The following CRYBG3 variants were observed in gnomAD, a reference collection of about 807,000 sequenced individuals.
CRYBG3 encodes crystallin beta-gamma domain containing 3.
Under a neutral mutation model 244.2 loss-of-function variants are expected in CRYBG3, and 127 were observed. The observed-to-expected ratio is 0.52, with a 90% confidence interval of 0.45 to 0.60. The LOEUF (loss-of-function observed/expected upper bound fraction) is 0.60. Ranked by LOEUF, CRYBG3 falls within the 20% of genes least tolerant of loss-of-function variation. The pLI is 0.00. For synonymous variants in CRYBG3, 1,132 were observed against 1,195.8 expected (o/e 0.95, Z 1.10); for missense variants, 3,325 against 3,442.5 (o/e 0.97, Z 0.85).
intron 2 of CRYBG3, among the ~76,000 whole-genome samples, chr3:97,844,572 C>A (rs1380974270): frequency 6.6e-6 from 1 of 152,120 alleles, no homozygotes; most frequent in Non-Finnish European, 1.5e-5. Context: ...TCCTTGCTCC[C>A]TTTTCTTCTC....
chr3:97,896,129 T>A, intron 12 of CRYBG3, 44 bp downstream of exon 12: 1 of 1,559,626 alleles, frequency 6.4e-7, no homozygotes, highest in Non-Finnish European at 8.7e-7. Context: ...TTTTAAAAAA[T>A]CTGTTCACAA....
At chr3:97,882,553 G>A (rs368540658) in intron 7 of CRYBG3, among the ~76,000 whole-genome samples, 11 of 152,190 alleles carry the variant, frequency 7.2e-5, no homozygotes, top group Middle Eastern at 3.4e-3. Flanking sequence ...TTAGTGATAA[G>A]GACATCTTAG....
chr3:97,834,858 T>G (rs1383178427), intron 1 of CRYBG3, among the ~76,000 whole-genome samples: 3 of 152,194 alleles, frequency 2.0e-5, no homozygotes, highest in Non-Finnish European at 4.4e-5. Flanking sequence ...ACTATGCTAC[T>G]TTGTATTTTT....
At position 97,878,056 on chromosome 3, in the gene CRYBG3, T is replaced by A. The variant is rs767887744; in HGVS notation, c.6843+19T>A. ...TATAGAGGTAAGTTATTTTGTTTATTGTATTAATAATAGTTATTAAAGCTT... is the reference window on the plus strand; with the variant it reads ...TATAGAGGTAAGTTATTTTGTTTATAGTATTAATAATAGTTATTAAAGCTT... On this transcript the variant is annotated intron_variant, in intron 4 of 21. Transcript: ENST00000389622. 2 of 1,566,170 alleles carry A rather than the reference T, an allele frequency of 1.3e-6. No individual in the cohort carries two copies. The highest frequency in any genetic ancestry group is 4.5e-5 in the East Asian group (2 of 44,644).
intron 15 of CRYBG3, among the ~76,000 whole-genome samples, chr3:97,901,058 G>C (rs1025831359): frequency 1.3e-5 from 2 of 152,100 alleles, no homozygotes; most frequent in African/African-American, 4.8e-5. Flanking sequence ...CATAAGGTCA[G>C]TATTACTCCC....
At chr3:97,939,083 C>T (rs1356742896) in intron 19 of CRYBG3, among the ~76,000 whole-genome samples, 6 of 151,920 alleles carry the variant, frequency 3.9e-5, no homozygotes, top group Non-Finnish European at 8.8e-5. Flanking sequence ...AAATATGTTC[C>T]TCATTTTTTA....
At chr3:97,940,825 A>G (rs904090607) in intron 19 of CRYBG3, among the ~76,000 whole-genome samples, 1 of 151,822 alleles carries the variant, frequency 6.6e-6, no homozygotes, top group Non-Finnish European at 1.5e-5. Context: ...GGGACACACT[A>G]TTGAATGAAA....
chr3:97,888,202 G>T (rs1284647996), intron 8 of CRYBG3, 139 bp from the exon 9 acceptor site: 1 of 596,544 alleles, frequency 1.7e-6, no homozygotes, highest in East Asian at 2.8e-5. Flanking sequence ...ATAATGTCTG[G>T]CTCTCACTTT....
intron 2 of CRYBG3, among the ~76,000 whole-genome samples, chr3:97,853,731 A>AT (rs2039022734): frequency 6.6e-6 from 1 of 152,004 alleles, no homozygotes; most frequent in East Asian, 1.9e-4. Flanking sequence ...TAATTTTTTG[A>AT]TTTTTTAATT....
intron 15 of CRYBG3, among the ~76,000 whole-genome samples, chr3:97,906,266 T>C (rs1357812018): frequency 7.8e-6 from 1 of 128,790 alleles, no homozygotes; most frequent in African/African-American, 2.7e-5. Flanking sequence ...AAGTAGTTTT[T>C]TCCAATTCTG....
chr3:97,914,260 G>A (rs1271765820), intron 16 of CRYBG3, among the ~76,000 whole-genome samples: 1 of 152,028 alleles, frequency 6.6e-6, no homozygotes, highest in Non-Finnish European at 1.5e-5. Context: ...ACTCTAATAA[G>A]AAATACACAC....
At chr3:97,837,925 T>C (rs2038757167) in intron 1 of CRYBG3, among the ~76,000 whole-genome samples, 1 of 151,930 alleles carries the variant, frequency 6.6e-6, no homozygotes, top group African/African-American at 2.4e-5. Flanking sequence ...GAGGAGGAGG[T>C]GCCCAACAGG....
Position 97,876,774 on chromosome 3 carries a change from C to A in CRYBG3, c.5580C>A (p.His1860Gln), listed in dbSNP as rs1159776555. 7.9e-7 allele frequency: 1 copy of A among 1,264,940 alleles called. No homozygotes were observed. Among genetic ancestry groups the A allele is most frequent in the East Asian group, 3.0e-5 (1 of 33,268 alleles). The allele number at this position is 1,264,940 out of a possible 1,614,324, so 78.4% of individuals were successfully genotyped here. The change falls in exon 4 of 22, where the codon CAC (histidine) becomes CAA (glutamine). Residue 1860 changes from histidine to glutamine, a missense_variant. By Grantham distance (24) the His-to-Gln change is conservative. Around this residue, in one of 4 missense-constraint regions of CRYBG3, gnomAD observed 635 missense variants for 771.7 expected, o/e 0.82. Coordinates refer to ENST00000389622, the MANE Select transcript of CRYBG3 (RefSeq NM_153605.4). Reference protein sequence around the residue: ...PEDRGENIGKHKVLPAVVDIE... With the variant: ...PEDRGENIGKQKVLPAVVDIE... Reference sequence around the variant, plus strand: ...ATCGTGGTGAGAATATTGGGAAACACAAAGTGTTACCCGCAGTGGTAGACA... The same window carrying A: ...ATCGTGGTGAGAATATTGGGAAACAAAAAGTGTTACCCGCAGTGGTAGACA...
chr3:97,826,450 T>C (rs1167859611), intron 1 of CRYBG3, among the ~76,000 whole-genome samples: 1 of 152,198 alleles, frequency 6.6e-6, no homozygotes, highest in African/African-American at 2.4e-5. Flanking sequence ...AAAAGGGTAA[T>C]AGCAAGTTTT....
intron 18 of CRYBG3, among the ~76,000 whole-genome samples, chr3:97,935,130 G>A (rs2040147365): frequency 6.6e-6 from 1 of 151,986 alleles, no homozygotes; most frequent in Admixed American, 6.6e-5. Flanking sequence ...GTTACAAGTT[G>A]GGTTTGTTTT....
Position 97,873,450 on chromosome 3 carries a change from C to A in CRYBG3, c.2256C>A (p.Gly752=). 6.5e-7 allele frequency: 1 copy of A among 1,535,186 alleles called. No individual in the cohort carries two copies. Among genetic ancestry groups the A allele is most frequent in the Non-Finnish European group, 8.7e-7 (1 of 1,146,614 alleles). ...TTCTTCCAGGTTCTGAAGCCAGTGG[C>A]CCTCACTTAACTGGGTTGGAGCTAT... is the stretch of plus-strand genomic sequence containing the variant. The part of the protein sequence containing the change: ...CQVLPGSEAS[G]PHLTGLELLS... The change falls in exon 4 of 22, where the codon GGC becomes GGA. Residue 752 remains glycine (G), a synonymous_variant. Transcript: ENST00000389622.
intron 3 of CRYBG3, among the ~76,000 whole-genome samples, chr3:97,870,679 A>G (rs972094687): frequency 6.6e-6 from 1 of 152,198 alleles, no homozygotes; most frequent in Non-Finnish European, 1.5e-5. Context: ...ATTATCACAT[A>G]TAAGAATTAA....
intron 11 of CRYBG3, 88 bp downstream of exon 11, chr3:97,893,081 T>C: frequency 8.7e-7 from 1 of 1,155,082 alleles, no homozygotes; most frequent in Non-Finnish European, 1.2e-6. Context: ...AAATGATTTG[T>C]TTTTAATCTA....
At chr3:97,904,687 T>G (rs560112988) in intron 15 of CRYBG3, among the ~76,000 whole-genome samples, 28 of 150,366 alleles carry the variant, frequency 1.9e-4, no homozygotes, top group African/African-American at 5.8e-4. Context: ...TTATTTTTTA[T>G]TTTTTTATTT....
Sources: allele counts gnomAD v4.1 joint callset (sites outside exome capture counted in the v4.1 genomes callset), GRCh38; gene constraint gnomAD v4.1.1; regional missense constraint gnomAD v4.1.1; transcripts MANE v1.5; gene names NCBI Gene and HGNC (gene_info 2026-07-23, HGNC 2026-07-21).